The following PPP1R12A variants were observed in gnomAD, a reference collection of about 807,000 sequenced individuals.
PPP1R12A encodes protein phosphatase 1 regulatory subunit 12A, also known as myosin binding subunit.
Under a neutral mutation model 139.6 loss-of-function variants are expected in PPP1R12A, and 19 were observed. That is an observed-to-expected ratio of 0.14 (90% confidence interval 0.09 to 0.20). The LOEUF (loss-of-function observed/expected upper bound fraction) is 0.20, where lower values mean the gene tolerates loss of function less well. Ranked by LOEUF, PPP1R12A falls within the 10% of genes least tolerant of loss-of-function variation. The probability of loss-of-function intolerance (pLI) is 1.00; values close to 1 mark genes in which losing one functional copy is unlikely to be tolerated. For missense variants in PPP1R12A, 925 were observed against 1,211.5 expected (o/e 0.76, Z 3.51); for synonymous variants, 427 against 420.6 (o/e 1.02, Z -0.19).
chr12:79,928,411 G>A (rs1412218218), intron 1 of PPP1R12A, among the ~76,000 whole-genome samples: 4 of 152,238 alleles, frequency 2.6e-5, no homozygotes. Context: ...TTATTTGTAG[G>A]AAGTGAGGGG....
chr12:79,775,959 C>T lies in PPP1R12A; in HGVS notation c.3063G>A (p.Leu1021=), dbSNP rs373322852. Residue 1021 remains leucine, a synonymous_variant, in exon 25 of 25, where the codon TTG becomes TTA. Coordinates refer to ENST00000450142, the MANE Select transcript of PPP1R12A (RefSeq NM_002480.3). ...TGGAAAGTTTGCTTATAACTCTGAT[C>T]AAGGCCCCATTTTCATCCTTTAGCC... ...NQRLKDENGA[L]IRVISKLSK 9.4e-6 allele frequency: 15 copies of T among 1,594,880 alleles called. No individual in the cohort carries two copies. Among genetic ancestry groups the T allele is most frequent in the Non-Finnish European group, 1.2e-5 (14 of 1,170,048 alleles).
intron 1 of PPP1R12A, among the ~76,000 whole-genome samples, chr12:79,923,350 T>A (rs1462420227): frequency 6.6e-6 from 1 of 152,188 alleles, no homozygotes; most frequent in Non-Finnish European, 1.5e-5. Flanking sequence ...ATACTAAATG[T>A]TCATCAGGAA....
At chr12:79,930,342 T>C (rs1888156623) in intron 1 of PPP1R12A, among the ~76,000 whole-genome samples, 1 of 152,130 alleles carries the variant, frequency 6.6e-6, no homozygotes, top group Non-Finnish European at 1.5e-5. Context: ...AAATGTACTA[T>C]ATCCAAATTT....
intron 1 of PPP1R12A, among the ~76,000 whole-genome samples, chr12:79,924,906 C>T (rs577316633): frequency 1.6e-4 from 24 of 152,282 alleles, no homozygotes; most frequent in African/African-American, 5.8e-4. Flanking sequence ...TCCAAGGTGA[C>T]ATTTATGATC....
intron 1 of PPP1R12A, among the ~76,000 whole-genome samples, chr12:79,894,869 T>C (rs1884990298): frequency 6.6e-6 from 1 of 152,192 alleles, no homozygotes; most frequent in African/African-American, 2.4e-5. Flanking sequence ...TTTTAGCAGG[T>C]TGTCCGCCTT....
At chr12:79,926,457 C>G (rs1887847577) in intron 1 of PPP1R12A, among the ~76,000 whole-genome samples, 1 of 152,190 alleles carries the variant, frequency 6.6e-6, no homozygotes, top group African/African-American at 2.4e-5. Context: ...TCCCAAAGTG[C>G]TAGGACTACA....
intron 5 of PPP1R12A, among the ~76,000 whole-genome samples, chr12:79,826,725 A>G (rs1262675410): frequency 6.6e-6 from 1 of 152,176 alleles, no homozygotes; most frequent in Non-Finnish European, 1.5e-5. Context: ...CAATAAAATG[A>G]TTTTTCTCAT....
intron 3 of PPP1R12A, among the ~76,000 whole-genome samples, chr12:79,844,166 C>T (rs1324320135): frequency 6.6e-6 from 1 of 152,004 alleles, no homozygotes; most frequent in East Asian, 1.9e-4. Flanking sequence ...TTAGAATACT[C>T]ATCACTCTTG....
At chr12:79,875,428 C>A (rs1883004384) in intron 1 of PPP1R12A, among the ~76,000 whole-genome samples, 1 of 152,180 alleles carries the variant, frequency 6.6e-6, no homozygotes, top group African/African-American at 2.4e-5. Context: ...CACACAAAGC[C>A]ACTATTTGCC....
At chr12:79,905,513 G>A (rs1008282044) in intron 1 of PPP1R12A, among the ~76,000 whole-genome samples, 3 of 152,144 alleles carry the variant, frequency 2.0e-5, no homozygotes, top group African/African-American at 7.2e-5. Context: ...TTAAACCTAA[G>A]ACACAGAACC....
intron 1 of PPP1R12A, among the ~76,000 whole-genome samples, chr12:79,906,747 A>T (rs984160021): frequency 6.6e-6 from 1 of 152,110 alleles, no homozygotes; most frequent in African/African-American, 2.4e-5. Flanking sequence ...AGGTTCAGGC[A>T]ATTCTCCTGC....
rs190476823 is a variant in PPP1R12A at position 79,865,087 on chromosome 12, G to A, written c.368+7721C>T. Among the ~76,000 whole-genome samples the A allele has an allele frequency of 5.2e-3, 798 of 152,244 alleles. 5 individuals are homozygous for A. The highest frequency in any genetic ancestry group is 0.018 in the African/African-American group (753 of 41,546). ...ATCCTCAATAAAATCCTGGCAAACC[G>A]AATTCAGCAGCACGTCAAAAAGCTT... On this transcript the variant is annotated intron_variant, in intron 2 of 24. Coordinates refer to ENST00000450142, the MANE Select transcript of PPP1R12A (RefSeq NM_002480.3).
rs200054389 is a variant in PPP1R12A, at chr12:79,785,030, TC to T, written c.2907+1343del. On this transcript the variant is annotated intron_variant, in intron 22 of 24. Transcript: ENST00000450142. ...TCATTATATTTTTATGTATACAGGC[TC>T]ACTAAGATACTAATGCAACCTGAAG... Among the ~76,000 whole-genome samples, 621 of 152,270 alleles carry T rather than the reference TC, an allele frequency of 4.1e-3. 3 individuals are homozygous for T. Among genetic ancestry groups the T allele is most frequent in the African/African-American group, 0.014 (598 of 41,558 alleles).
intron 23 of PPP1R12A, chr12:79,779,223 G>A: frequency 1.1e-6 from 1 of 944,050 alleles, no homozygotes. Flanking sequence ...TTATTGCAGT[G>A]TACTGTTTTA....
intron 1 of PPP1R12A, among the ~76,000 whole-genome samples, chr12:79,904,154 G>C (rs1214293327): frequency 6.6e-6 from 1 of 151,860 alleles, no homozygotes; most frequent in Non-Finnish European, 1.5e-5. Flanking sequence ...GGTGGAGGTT[G>C]TGGTGAGCTG....
chr12:79,887,628 G>C (rs556571115), intron 1 of PPP1R12A, among the ~76,000 whole-genome samples: 1 of 152,222 alleles, frequency 6.6e-6, no homozygotes, highest in South Asian at 2.1e-4. Flanking sequence ...ACAGAGAAAG[G>C]TTTCCTTGCT....
chr12:79,909,977 G>A (rs944950309), intron 1 of PPP1R12A, among the ~76,000 whole-genome samples: 1 of 151,856 alleles, frequency 6.6e-6, no homozygotes, highest in Non-Finnish European at 1.5e-5. Flanking sequence ...TGGGATTACA[G>A]GCCTGAGCCA....
chr12:79,848,287 A>C (rs1414850997), intron 2 of PPP1R12A, among the ~76,000 whole-genome samples: 1 of 152,168 alleles, frequency 6.6e-6, no homozygotes, highest in Non-Finnish European at 1.5e-5. Context: ...CAGAAAGGTA[A>C]GATATAGTGG....
chr12:79,934,928 T>G lies in PPP1R12A; in HGVS notation c.4A>C (p.Lys2Gln), dbSNP rs747141643. 1 of 1,590,450 alleles carries G rather than the reference T, an allele frequency of 6.3e-7. No homozygotes were observed. The highest frequency in any genetic ancestry group is 8.6e-7 in the Non-Finnish European group (1 of 1,167,552). The change falls in exon 1 of 25, where the codon AAG becomes CAG. Residue 2 changes from lysine to glutamine, a missense_variant. By Grantham distance (53) the Lys-to-Gln change is moderately conservative (BLOSUM62 1). Transcript: ENST00000450142. M[K>Q]MADAKQKRNE... is the part of the protein sequence containing the mutation. ...CGCTTCTGCTTCGCGTCCGCCATCT[T>G]CATCCCCTCTCCTGCCGCCGGGTCT...
Sources: gnomAD v4.1 joint callset for allele counts (sites outside exome capture counted in the v4.1 genomes callset) on GRCh38, gnomAD v4.1.1 for gene constraint, MANE v1.5 for transcripts, NCBI Gene and HGNC (gene_info 2026-07-23, HGNC 2026-07-21) for gene names.